The following CACNA1C variants were observed in gnomAD, a reference collection of about 807,000 sequenced individuals.
CACNA1C encodes calcium voltage-gated channel subunit alpha1 C.
CACNA1C carries 30 observed loss-of-function variants against 229.0 expected under a neutral mutation model. The observed-to-expected ratio is 0.13, with a 90% confidence interval of 0.10 to 0.18. The LOEUF (loss-of-function observed/expected upper bound fraction) is 0.18. Among genes scored for constraint, CACNA1C ranks in the 10% least tolerant of loss-of-function variants. CACNA1C has a pLI of 1.00. For synonymous variants in CACNA1C, 1,114 were observed against 1,132.5 expected (o/e 0.98, Z 0.33); for missense variants, 1,658 against 2,845.0 (o/e 0.58, Z 9.49).
At position 2,630,341 on chromosome 12, in the gene CACNA1C, CAG is replaced by C. The variant is rs1044752355; in HGVS notation, c.3829-3950_3829-3949del. Among the ~76,000 whole-genome samples the C allele has an allele frequency of 6.6e-6, 1 of 152,068 alleles. No individual in the cohort carries two copies. Among genetic ancestry groups the C allele is most frequent in the Non-Finnish European group, 1.5e-5 (1 of 68,006 alleles). The stretch of plus-strand genomic sequence containing the variant: ...CAGCAACCGAGGGGGCGGGCAAAAA[CAG>C]AGAGAAGAGAGATGAGACAGCATCA... On this transcript the variant is annotated intron_variant, in intron 29 of 46. Transcript: ENST00000399655. This position sits in a 1 kb window ranked among gnomAD's most constrained non-coding sequence, Gnocchi z 5.4.
intron 34 of CACNA1C, among the ~76,000 whole-genome samples, chr12:2,662,883 A>G (rs1182335888): frequency 6.6e-6 from 1 of 152,264 alleles, no homozygotes; most frequent in Non-Finnish European, 1.5e-5. Flanking sequence ...TCAATTAAGT[A>G]GGTGAAGATG....
intron 9 of CACNA1C, among the ~76,000 whole-genome samples, chr12:2,526,690 C>T (rs1305035452): frequency 1.3e-5 from 2 of 152,248 alleles, no homozygotes; most frequent in Non-Finnish European, 2.9e-5. Flanking sequence ...AGTCTCTAAA[C>T]ACAGCCCATG....
At chr12:2,026,477 A>C (rs924415346) in intron 1 of CACNA1C, among the ~76,000 whole-genome samples, 1 of 152,210 alleles carries the variant, frequency 6.6e-6, no homozygotes, top group African/African-American at 2.4e-5. Context: ...GACACCAGCA[A>C]AGGTGAGAGG....
Position 2,567,768 on chromosome 12 carries a change from G to A in CACNA1C, c.1869G>A (p.Arg623=). The change falls in exon 13 of 47, where the codon CGG becomes CGA. Residue 623 remains arginine, a synonymous_variant. Transcript: ENST00000399655. ...PLGISVLRCV[R]LLRIFKITRY... ...GCATCTCCGTGCTCAGATGCGTCCG[G>A]CTGCTGAGGATTTTCAAGATCACGA... The A allele has an allele frequency of 6.2e-7, 1 of 1,611,092 alleles. No individual in the cohort carries two copies. Among genetic ancestry groups the A allele is most frequent in the Non-Finnish European group, 8.5e-7 (1 of 1,177,564 alleles).
At chr12:1,985,084 A>G (rs1342504122) in intron 1 of CACNA1C, among the ~76,000 whole-genome samples, 1 of 151,598 alleles carries the variant, frequency 6.6e-6, no homozygotes, top group Non-Finnish European at 1.5e-5. Flanking sequence ...TGTGACTGTC[A>G]TGTCATGGGC....
At chr12:2,079,810 A>T (rs1244146183) in intron 1 of CACNA1C, among the ~76,000 whole-genome samples, 2 of 152,248 alleles carry the variant, frequency 1.3e-5, no homozygotes, top group Non-Finnish European at 1.5e-5. Context: ...AGGACCCTTC[A>T]GACTTTTATA....
intron 1 of CACNA1C, among the ~76,000 whole-genome samples, chr12:2,032,592 C>T (rs1402324358): frequency 2.0e-5 from 3 of 152,208 alleles, no homozygotes. Flanking sequence ...CAATCCATTA[C>T]ACTTGTTTGA....
rs766454784 is a variant in CACNA1C at position 2,054,201 on chromosome 12, G to C, written c.49+590G>C. Among the ~76,000 whole-genome samples the C allele has an allele frequency of 6.6e-6, 1 of 151,970 alleles. No homozygotes were observed. Among genetic ancestry groups the C allele is most frequent in the Non-Finnish European group, 1.5e-5 (1 of 67,930 alleles). On this transcript the variant is annotated intron_variant, in intron 1 of 46. Coordinates refer to ENST00000399655, the MANE Select transcript of CACNA1C (RefSeq NM_000719.7). The surrounding 1 kb of genome is among the most constrained non-coding windows in gnomAD (Gnocchi z 5.5). Reference sequence around the variant, plus strand: ...GCGGTGCAGATGTGAAGCCCAGCGCGCCCCTCTGGTTCCCCCTCTGTAGGT... The same window carrying C: ...GCGGTGCAGATGTGAAGCCCAGCGCCCCCCTCTGGTTCCCCCTCTGTAGGT...
Position 2,488,419 on chromosome 12 carries a change from C to T in CACNA1C, c.916+2157C>T, listed in dbSNP as rs967796473. ...TAGCCGTAGGGCCCAGTGAAGAGGTCGCCCCAACGCCCCAAGTACCGAACC... is the reference window on the plus strand; with the variant it reads ...TAGCCGTAGGGCCCAGTGAAGAGGTTGCCCCAACGCCCCAAGTACCGAACC... On this transcript the variant is annotated intron_variant, in intron 6 of 46. Transcript: ENST00000399655. The surrounding 1 kb of genome is among the most constrained non-coding windows in gnomAD (Gnocchi z 4.0). 3.3e-5 allele frequency among the ~76,000 whole-genome samples: 5 copies of T among 152,160 alleles called. No individual in the cohort carries two copies. The highest frequency in any genetic ancestry group is 9.7e-5 in the African/African-American group (4 of 41,434).
chr12:2,567,807 C>T lies in CACNA1C; in HGVS notation c.1895+13C>T, dbSNP rs753195402. ...TCAAGATCACGAGGTACTGGGCTCCCCCTCTCACTTTGAAGAGGGGACTCA... is the reference window on the plus strand; with the variant it reads ...TCAAGATCACGAGGTACTGGGCTCCTCCTCTCACTTTGAAGAGGGGACTCA... On this transcript the variant is annotated intron_variant, in intron 13 of 46. Transcript: ENST00000399655. The T allele has an allele frequency of 6.5e-6, 10 of 1,541,048 alleles. No homozygotes were observed. The highest frequency in any genetic ancestry group is 8.1e-6 in the Non-Finnish European group (9 of 1,117,378).
At chr12:2,494,973 G>A (rs2099743717) in intron 7 of CACNA1C, among the ~76,000 whole-genome samples, 1 of 152,142 alleles carries the variant, frequency 6.6e-6, no homozygotes, top group African/African-American at 2.4e-5. Context: ...AATTATCTCA[G>A]TCTAGGAAGC....
chr12:2,453,311 G>A (rs1020842610), intron 4 of CACNA1C, among the ~76,000 whole-genome samples: 1 of 152,106 alleles, frequency 6.6e-6, no homozygotes, highest in Non-Finnish European at 1.5e-5. Context: ...CCCATTTCTA[G>A]ATCCAGATAC....
intron 3 of CACNA1C, among the ~76,000 whole-genome samples, chr12:2,367,671 T>C (rs2097759693): frequency 6.6e-6 from 1 of 152,120 alleles, no homozygotes; most frequent in Non-Finnish European, 1.5e-5. Flanking sequence ...GCTGGTGCTA[T>C]AAAATACAAA....
At chr12:2,454,689 G>A (rs984043823) in intron 4 of CACNA1C, among the ~76,000 whole-genome samples, 1 of 152,092 alleles carries the variant, frequency 6.6e-6, no homozygotes, top group African/African-American at 2.4e-5. Flanking sequence ...CCAACCTCAA[G>A]GAGGCCCTCG....
intron 1 of CACNA1C, among the ~76,000 whole-genome samples, chr12:2,092,790 G>A (rs888790530): frequency 6.6e-6 from 1 of 152,226 alleles, no homozygotes; most frequent in Non-Finnish European, 1.5e-5. Flanking sequence ...GATCAAAGAG[G>A]TTAAGTTAAC....
At position 2,215,616 on chromosome 12, in the gene CACNA1C, C is replaced by T. The variant is rs531712492; in HGVS notation, c.477+95186C>T. ...ACATAAAGGGGCACTGCAGCCAGTC[C>T]CCTGTGGAGGATCAGGATGTCCCAG... On this transcript the variant is annotated intron_variant, in intron 3 of 46. Transcript: ENST00000399655. This position sits in a 1 kb window ranked among gnomAD's most constrained non-coding sequence, Gnocchi z 5.0. 3.3e-4 allele frequency among the ~76,000 whole-genome samples: 50 copies of T among 152,354 alleles called. No individual in the cohort carries two copies. Among genetic ancestry groups the T allele is most frequent in the African/African-American group, 9.6e-4 (40 of 41,586 alleles).
chr12:1,971,266 A>G lies in CACNA1C; in HGVS notation c.139+65A>G. 1 of 832,600 alleles carries G rather than the reference A, an allele frequency of 1.2e-6. No individual in the cohort carries two copies. The highest frequency in any genetic ancestry group is 1.7e-6 in the Non-Finnish European group (1 of 581,862). 51.6% of individuals were successfully genotyped at this position (832,600 alleles called of 1,614,324 possible). Reference sequence around the variant, plus strand: ...TGTTGAAATTTACTCTAAATATCCTAATGATACCTAGAATGTGACTTCCTC... The same window carrying G: ...TGTTGAAATTTACTCTAAATATCCTGATGATACCTAGAATGTGACTTCCTC... On this transcript the variant is annotated intron_variant, in intron 1 of 46. Transcript: ENST00000682462. This position sits in a 1 kb window ranked among gnomAD's most constrained non-coding sequence, Gnocchi z 4.2.
intron 3 of CACNA1C, among the ~76,000 whole-genome samples, chr12:2,424,779 A>C (rs2239066): frequency 6.6e-6 from 1 of 152,136 alleles, no homozygotes; most frequent in Non-Finnish European, 1.5e-5. Context: ...GAGGAAGTTG[A>C]GGAAACCTCT....
At chr12:2,198,836 T>C (rs1300125454) in intron 3 of CACNA1C, among the ~76,000 whole-genome samples, 1 of 152,174 alleles carries the variant, frequency 6.6e-6, no homozygotes, top group Admixed American at 6.5e-5. Flanking sequence ...TGATTTTTTT[T>C]AAGTTTTCAA....
Sources: allele counts gnomAD v4.1 joint callset (sites outside exome capture counted in the v4.1 genomes callset), GRCh38; gene constraint gnomAD v4.1.1; non-coding constraint Gnocchi (gnomAD v3.1); transcripts MANE v1.5; gene names NCBI Gene and HGNC (gene_info 2026-07-23, HGNC 2026-07-21).